The following RASGEF1B variants were observed in gnomAD, a reference collection of about 807,000 sequenced individuals.
RASGEF1B encodes ras-GEF domain-containing family member 1B.
Under a neutral mutation model 65.7 loss-of-function variants are expected in RASGEF1B, and 30 were observed. That is an observed-to-expected ratio of 0.46 (90% CI 0.34 to 0.62). RASGEF1B has a LOEUF of 0.62. RASGEF1B is among the 20% of genes least tolerant of loss of function. The pLI is 0.01. For missense variants in RASGEF1B, 495 were observed against 580.1 expected, an observed-to-expected ratio of 0.85 and a Z score of 1.51; for synonymous variants, 175 against 194.8, an observed-to-expected ratio of 0.90 and a Z score of 0.85.
rs539479888 is a variant in RASGEF1B, at chr4:81,430,193, T to C, written c.1397+2106A>G. ...GCGGGCGCCTGTAGTCCCAGCTGCT[T>C]GGGAGGCTGAAGCAGGAGAATGGCG... On this transcript the variant is annotated intron_variant, in intron 13 of 13. Transcript: ENST00000264400. Among the ~76,000 whole-genome samples, 99 of 152,072 alleles carry C rather than the reference T, an allele frequency of 6.5e-4. 2 individuals carry two copies. The highest frequency in any genetic ancestry group is 2.3e-3 in the African/African-American group (95 of 41,498).
intron 4 of RASGEF1B, among the ~76,000 whole-genome samples, chr4:81,450,398 C>T (rs1042255823): frequency 6.6e-6 from 1 of 152,158 alleles, no homozygotes; most frequent in Non-Finnish European, 1.5e-5. Context: ...CAGAGTCTCA[C>T]TCTGTTGCCC....
At chr4:81,467,166 G>T (rs994777256) in intron 1 of RASGEF1B, among the ~76,000 whole-genome samples, 1 of 152,118 alleles carries the variant, frequency 6.6e-6, no homozygotes, top group Admixed American at 6.5e-5. Context: ...TATTTCTCTC[G>T]CAATGAAACA....
At chr4:81,430,064 G>A (rs1721370211) in intron 13 of RASGEF1B, among the ~76,000 whole-genome samples, 1 of 152,220 alleles carries the variant, frequency 6.6e-6, no homozygotes, top group South Asian at 2.1e-4. Context: ...CACTTTGAGA[G>A]GCTGAGGCGG....
chr4:81,427,178 G>C lies in RASGEF1B; in HGVS notation c.*590C>G, dbSNP rs1721256744. 6.6e-6 allele frequency: 1 copy of C among 152,524 alleles called. No homozygotes were observed. The highest frequency in any genetic ancestry group is 2.4e-5 in the African/African-American group (1 of 41,392). 9.4% of individuals were successfully genotyped at this position (152,524 alleles called of 1,614,324 possible). On this transcript the variant is annotated 3_prime_UTR_variant, in exon 14 of 14. Transcript: ENST00000264400. ...CAACTCAAAACCTTGTAGGAGGAGG[G>C]AGGAGAAAAATTTACAACACAGCAC... is the stretch of plus-strand genomic sequence containing the variant.
intron 1 of RASGEF1B, among the ~76,000 whole-genome samples, chr4:81,469,801 T>C (rs902865359): frequency 2.0e-5 from 3 of 152,114 alleles, no homozygotes; most frequent in Admixed American, 2.0e-4. Context: ...TAGTATCAGA[T>C]AAAATATCCA....
In RASGEF1B at chr4:81,447,427, C is replaced by T. The variant is rs554238210; in HGVS notation, c.729+77G>A. The T allele has an allele frequency of 1.4e-3, 1,473 of 1,069,570 alleles. 10 individuals carry two copies. The highest frequency in any genetic ancestry group is 5.7e-3 in the South Asian group (426 of 74,278). The allele number at this position is 1,069,570 out of a possible 1,614,324, so 66.3% of individuals were successfully genotyped here. ...TACAACAGAATATAGTTCTAACTTC[C>T]GTCCTTTATACCCACTATCATAGAC... On this transcript the variant is annotated intron_variant, in intron 6 of 13. Transcript: ENST00000264400.
rs750922752 is a variant in RASGEF1B, at chr4:81,445,875, A to G, written c.730-37T>C. 1.1e-5 allele frequency: 16 copies of G among 1,491,808 alleles called. 1 individual carries two copies. The Admixed American group carries it at 1.2e-4, about 11-fold the overall frequency. The allele number at this position is 1,491,808 out of a possible 1,614,324, so 92.4% of individuals were successfully genotyped here. A position where few individuals can be genotyped will look rare whatever the true frequency, so the allele number is the denominator to read the frequency against. Reference sequence around the variant, plus strand: ...ACAAAGTAAACAGATGAGTTAGAGGAAAAAAACAATGTAGTGGACTCTCAT... The same window carrying G: ...ACAAAGTAAACAGATGAGTTAGAGGGAAAAAACAATGTAGTGGACTCTCAT... On this transcript the variant is annotated intron_variant, in intron 6 of 13. Transcript: ENST00000264400.
chr4:81,437,621 A>ATTT (rs1220635701), intron 10 of RASGEF1B, among the ~76,000 whole-genome samples: 1 of 152,230 alleles, frequency 6.6e-6, no homozygotes, highest in Admixed American at 6.5e-5. Context: ...TGGATTATAA[A>ATTT]TTCTAGATGG....
chr4:81,456,495 T>A, intron 4 of RASGEF1B, 156 bp downstream of exon 4: 1 of 789,858 alleles, frequency 1.3e-6, no homozygotes, highest in Non-Finnish European at 2.2e-6. Context: ...TCATTCTCAC[T>A]TGACATACTA....
chr4:81,448,455 A>G (rs1467841378), intron 4 of RASGEF1B, among the ~76,000 whole-genome samples, 171 bp from the exon 5 acceptor site: 1 of 152,210 alleles, frequency 6.6e-6, no homozygotes, highest in Non-Finnish European at 1.5e-5. Flanking sequence ...ACACATGCAT[A>G]AGGCATTTTC....
intron 1 of RASGEF1B, among the ~76,000 whole-genome samples, chr4:81,467,780 T>C (rs144303490): frequency 6.6e-6 from 1 of 152,330 alleles, no homozygotes; most frequent in East Asian, 1.9e-4. Flanking sequence ...TTGGTCATAA[T>C]GCCTTACATT....
intron 10 of RASGEF1B, among the ~76,000 whole-genome samples, chr4:81,438,505 C>T (rs59383678): frequency 0.38 from 58,195 of 152,212 alleles, 13,795 homozygotes; most frequent in African/African-American, 0.68. Flanking sequence ...GCTTTCACTC[C>T]TAGCCTTTGA....
intron 2 of RASGEF1B, among the ~76,000 whole-genome samples, chr4:81,458,324 T>C (rs538130380): frequency 6.6e-6 from 1 of 152,234 alleles, no homozygotes; most frequent in South Asian, 2.1e-4. Context: ...GGGATTTTTC[T>C]TTTTTCCTTA....
intron 11 of RASGEF1B, 118 bp from the exon 12 acceptor site, chr4:81,434,081 ACT>A: frequency 2.3e-6 from 2 of 882,258 alleles, no homozygotes; most frequent in Admixed American, 2.1e-5. Flanking sequence ...ACAGGGTTTC[ACT>A]CTGTCACCAA....
chr4:81,466,651 G>C (rs1394540854), intron 1 of RASGEF1B, among the ~76,000 whole-genome samples: 2 of 150,844 alleles, frequency 1.3e-5, no homozygotes, highest in Admixed American at 6.6e-5. Flanking sequence ...CCCAGCTACT[G>C]GGGAGGCTGA....
At chr4:81,462,928 C>T (rs748020482) in intron 1 of RASGEF1B, among the ~76,000 whole-genome samples, 2 of 152,126 alleles carry the variant, frequency 1.3e-5, no homozygotes, top group Non-Finnish European at 2.9e-5. Flanking sequence ...ATATAAGAAG[C>T]TGAGGTTCAG....
intron 1 of RASGEF1B, among the ~76,000 whole-genome samples, chr4:81,466,254 G>A (rs1396638068): frequency 6.6e-6 from 1 of 152,120 alleles, no homozygotes; most frequent in Non-Finnish European, 1.5e-5. Context: ...TTTCTCCCTT[G>A]AAGCTGCATA....
At chr4:81,437,419 A>G (rs1284329970) in intron 10 of RASGEF1B, among the ~76,000 whole-genome samples, 2 of 152,242 alleles carry the variant, frequency 1.3e-5, no homozygotes, top group Admixed American at 1.3e-4. Flanking sequence ...ATCATAAGAC[A>G]GCCCCAGGGA....
At chr4:81,443,640 T>C (rs1479396432) in intron 8 of RASGEF1B, among the ~76,000 whole-genome samples, 1 of 152,230 alleles carries the variant, frequency 6.6e-6, no homozygotes, top group South Asian at 2.1e-4. Flanking sequence ...CAGTATTTCA[T>C]TGTATTAACA....
Sources: gnomAD v4.1 joint callset for allele counts (sites outside exome capture counted in the v4.1 genomes callset) on GRCh38, gnomAD v4.1.1 for gene constraint, MANE v1.5 for transcripts, NCBI Gene and HGNC (gene_info 2026-07-23, HGNC 2026-07-21) for gene names.